The following KIRREL3 variants were observed in gnomAD, a reference collection of about 807,000 sequenced individuals.
The protein encoded by KIRREL3 is kirre like nephrin family adhesion molecule 3, also known as kin of IRRE-like protein 3.
KIRREL3 carries 36 observed loss-of-function variants against 89.7 expected under a neutral mutation model. The ratio of observed to expected loss-of-function variants is 0.40; its 90% CI spans 0.31 to 0.53. KIRREL3 has a LOEUF of 0.53. Ranked by LOEUF, KIRREL3 falls within the 20% of genes least tolerant of loss-of-function variation. The pLI is 0.49. For synonymous variants in KIRREL3, 445 were observed against 441.4 expected (o/e 1.01, Z -0.10); for missense variants, 864 against 1,056.6 (o/e 0.82, Z 2.53).
Position 126,523,967 on chromosome 11 carries a change from C to G in KIRREL3, c.284-2503G>C, listed in dbSNP as rs149812313. On this transcript the variant is annotated intron_variant, in intron 3 of 16. Transcript: ENST00000525144. This position sits in a 1 kb window ranked among gnomAD's most constrained non-coding sequence, Gnocchi z 4.9. ...ATGCTATCCCAAGGACTGGCAGCAT[C>G]TTTGAAAATCAGACTCAGAAGCATG... Among the ~76,000 whole-genome samples the G allele has an allele frequency of 9.8e-5, 15 of 152,330 alleles. No individual in the cohort carries two copies. The highest frequency in any genetic ancestry group is 3.4e-4 in the African/African-American group (14 of 41,576).
intron 1 of KIRREL3, among the ~76,000 whole-genome samples, chr11:126,818,766 T>C (rs965322921): frequency 2.0e-5 from 3 of 150,244 alleles, no homozygotes; most frequent in Non-Finnish European, 2.9e-5. Context: ...TTCTCCCCAT[T>C]GTGTAGACTC....
In KIRREL3 at chr11:126,614,386, G is replaced by C. The variant is rs78261603; in HGVS notation, c.56-51474C>G. Among the ~76,000 whole-genome samples the C allele has an allele frequency of 0.012, 1,873 of 152,218 alleles. 32 individuals are homozygous for C. The highest frequency in any genetic ancestry group is 0.042 in the African/African-American group (1,750 of 41,548). On this transcript the variant is annotated intron_variant, in intron 1 of 16. Coordinates refer to ENST00000525144, the MANE Select transcript of KIRREL3 (RefSeq NM_032531.4). The surrounding 1 kb of genome is among the most constrained non-coding windows in gnomAD (Gnocchi z 4.6). Reference sequence around the variant, plus strand: ...ACAACTCACTTCCATTCTTTGCGCTGTTTTCTCAAGTGCAAAAGGAAAGGT... The same window carrying C: ...ACAACTCACTTCCATTCTTTGCGCTCTTTTCTCAAGTGCAAAAGGAAAGGT...
intron 1 of KIRREL3, among the ~76,000 whole-genome samples, chr11:126,869,849 T>C (rs1341490964): frequency 6.6e-6 from 1 of 152,192 alleles, no homozygotes; most frequent in Non-Finnish European, 1.5e-5. Flanking sequence ...CTCCCCTCTG[T>C]GCAAAGGCAA....
At chr11:126,838,561 C>T (rs1565340754) in intron 1 of KIRREL3, among the ~76,000 whole-genome samples, 3 of 152,126 alleles carry the variant, frequency 2.0e-5, no homozygotes, top group South Asian at 2.1e-4. Context: ...TTTTTTAAAG[C>T]GCCTCCCTCT....
chr11:126,517,159 A>AGAGAGAGAGAGAGG (rs1958441363), intron 4 of KIRREL3, among the ~76,000 whole-genome samples: 1 of 151,964 alleles, frequency 6.6e-6, no homozygotes, highest in Non-Finnish European at 1.5e-5. Flanking sequence ...AGAGAGAGAG[A>AGAGAGAGAGAGAGG]GAGAGAGAGA....
Position 126,463,367 on chromosome 11 carries a change from T to G in KIRREL3, c.592-60A>C. 2 of 1,543,098 alleles carry G rather than the reference T, an allele frequency of 1.3e-6. No homozygotes were observed. Among genetic ancestry groups the G allele is most frequent in the African/African-American group, 1.4e-5 (1 of 73,818 alleles). ...TGTCGCTTGGCTGGGGTGGCCAGCC[T>G]GGGTTGGGGGTAAACGAGCACCAGC... On this transcript the variant is annotated intron_variant, in intron 5 of 16. Coordinates refer to ENST00000525144, the MANE Select transcript of KIRREL3 (RefSeq NM_032531.4). The surrounding 1 kb of genome is among the most constrained non-coding windows in gnomAD (Gnocchi z 5.9).
At chr11:126,921,297 T>G (rs558014077) in intron 1 of KIRREL3, among the ~76,000 whole-genome samples, 4 of 152,322 alleles carry the variant, frequency 2.6e-5, no homozygotes, top group South Asian at 2.1e-4. Context: ...CCGGCTATCC[T>G]GGGTCTCCAC....
intron 1 of KIRREL3, among the ~76,000 whole-genome samples, chr11:126,618,059 C>G (rs1467580758): frequency 6.6e-6 from 1 of 152,180 alleles, no homozygotes; most frequent in Non-Finnish European, 1.5e-5. Flanking sequence ...CAGTGTTGTT[C>G]TCATGATAGT....
chr11:126,451,488 ATG>A (rs1168945685), intron 7 of KIRREL3, among the ~76,000 whole-genome samples: 9 of 124,894 alleles, frequency 7.2e-5, no homozygotes, highest in African/African-American at 2.5e-4. Context: ...GTGTGTGCGC[ATG>A]TGTGTGCATG....
At chr11:126,444,806 C>T (rs1955725310) in intron 10 of KIRREL3, among the ~76,000 whole-genome samples, 173 bp downstream of exon 10, 1 of 152,184 alleles carries the variant, frequency 6.6e-6, no homozygotes. Context: ...CCTCCCTCAG[C>T]CTGGGTCTGA....
Position 126,897,088 on chromosome 11 carries a change from C to T in KIRREL3, c.55+103367G>A, listed in dbSNP as rs117375475. 0.028 allele frequency among the ~76,000 whole-genome samples: 4,199 copies of T among 152,168 alleles called. 67 individuals carry two copies. Among genetic ancestry groups the T allele is most frequent in the Non-Finnish European group, 0.037 (2,527 of 68,022 alleles). On this transcript the variant is annotated intron_variant, in intron 1 of 16. Transcript: ENST00000525144. The surrounding 1 kb of genome is among the most constrained non-coding windows in gnomAD (Gnocchi z 4.2). ...TCCTCTTATCCAAGTTATTAAAATA[C>T]GAAAGATCATCTCACGAATACGGGC...
In KIRREL3 at chr11:126,791,956, T is replaced by C. The variant is rs1950655890; in HGVS notation, c.55+208499A>G. Among the ~76,000 whole-genome samples, 2 of 150,802 alleles carry C rather than the reference T, an allele frequency of 1.3e-5. No homozygotes were observed. The highest frequency in any genetic ancestry group is 2.9e-5 in the Non-Finnish European group (2 of 68,032). ...TTCAAAGAAAAACAGGTGAAATTCATTGGTGGTGTGGTTCTCCTCTTCTCT... is the reference window on the plus strand; with the variant it reads ...TTCAAAGAAAAACAGGTGAAATTCACTGGTGGTGTGGTTCTCCTCTTCTCT... On this transcript the variant is annotated intron_variant, in intron 1 of 16. Coordinates refer to ENST00000525144, the MANE Select transcript of KIRREL3 (RefSeq NM_032531.4). The surrounding 1 kb of genome is among the most constrained non-coding windows in gnomAD (Gnocchi z 4.8).
chr11:126,540,500 C>A lies in KIRREL3; in HGVS notation c.134-13813G>T, dbSNP rs183659777. Reference sequence around the variant, plus strand: ...GTGTGGGTCTTTAACGAAGAGCAATCGGGCTGGCCGAGGCAGGGTGAGTCC... The same window carrying A: ...GTGTGGGTCTTTAACGAAGAGCAATAGGGCTGGCCGAGGCAGGGTGAGTCC... On this transcript the variant is annotated intron_variant, in intron 2 of 16. Coordinates refer to ENST00000525144, the MANE Select transcript of KIRREL3 (RefSeq NM_032531.4). 5.0e-4 allele frequency among the ~76,000 whole-genome samples: 76 copies of A among 152,328 alleles called. 1 individual carries two copies. The highest frequency in any genetic ancestry group is 4.0e-3 in the Admixed American group (61 of 15,304).
At chr11:126,481,507 C>A (rs532670784) in intron 4 of KIRREL3, among the ~76,000 whole-genome samples, 1 of 152,338 alleles carries the variant, frequency 6.6e-6, no homozygotes, top group East Asian at 1.9e-4. Context: ...ACCACACCCA[C>A]CGCCTCTCCC....
Position 126,565,333 on chromosome 11 carries a change from G to C in KIRREL3, c.56-2421C>G, listed in dbSNP as rs911177169. Among the ~76,000 whole-genome samples the C allele has an allele frequency of 6.6e-6, 1 of 152,168 alleles. No homozygotes were observed. Among genetic ancestry groups the C allele is most frequent in the Non-Finnish European group, 1.5e-5 (1 of 68,028 alleles). ...TGAGGAGAGGCTGTGTGGACAAGTG[G>C]TTATGATATAATAACTAAGAGTCTC... On this transcript the variant is annotated intron_variant, in intron 1 of 16. Transcript: ENST00000525144. The surrounding 1 kb of genome is among the most constrained non-coding windows in gnomAD (Gnocchi z 5.4).
chr11:126,823,421 G>C (rs1467491914), intron 1 of KIRREL3, among the ~76,000 whole-genome samples: 1 of 152,122 alleles, frequency 6.6e-6, no homozygotes, highest in Non-Finnish European at 1.5e-5. Flanking sequence ...CAGGCAGAAT[G>C]GCCTCAGCAG....
chr11:126,602,817 A>G (rs1252837578), intron 1 of KIRREL3, among the ~76,000 whole-genome samples: 1 of 152,094 alleles, frequency 6.6e-6, no homozygotes, highest in African/African-American at 2.4e-5. Context: ...GGCTGGGAGG[A>G]CAGGTAAGAA....
Position 126,441,604 on chromosome 11 carries a change from G to A in KIRREL3, c.1253-1055C>T, listed in dbSNP as rs760921855. Among the ~76,000 whole-genome samples the A allele has an allele frequency of 1.3e-5, 2 of 152,186 alleles. No individual in the cohort carries two copies. Among genetic ancestry groups the A allele is most frequent in the Admixed American group, 6.5e-5 (1 of 15,288 alleles). On this transcript the variant is annotated intron_variant, in intron 10 of 16. Coordinates refer to ENST00000525144, the MANE Select transcript of KIRREL3 (RefSeq NM_032531.4). This position sits in a 1 kb window ranked among gnomAD's most constrained non-coding sequence, Gnocchi z 5.0. ...GGCAGATACCAGAGGAAAGACAGCC[G>A]GGAGCAACGCATCTGGAGAACACAC...
chr11:126,981,346 G>A lies in KIRREL3; in HGVS notation c.55+19109C>T, dbSNP rs745382301. Among the ~76,000 whole-genome samples, 4 of 152,174 alleles carry A rather than the reference G, an allele frequency of 2.6e-5. No homozygotes were observed. The highest frequency in any genetic ancestry group is 5.9e-5 in the Non-Finnish European group (4 of 68,034). ...ACCAGTATCAAGTGATTTCTTATGA[G>A]ACCCTGAAGAAGGAGGCTGATGGCC... On this transcript the variant is annotated intron_variant, in intron 1 of 16. Coordinates refer to ENST00000525144, the MANE Select transcript of KIRREL3 (RefSeq NM_032531.4). This position sits in a 1 kb window ranked among gnomAD's most constrained non-coding sequence, Gnocchi z 4.2.
Sources: gnomAD v4.1 joint callset for allele counts (sites outside exome capture counted in the v4.1 genomes callset) on GRCh38, gnomAD v4.1.1 for gene constraint, Gnocchi (gnomAD v3.1) non-coding constraint, MANE v1.5 for transcripts, NCBI Gene and HGNC (gene_info 2026-07-23, HGNC 2026-07-21) for gene names.